The following RALGAPA2 variants were observed in gnomAD, a reference collection of about 807,000 sequenced individuals.
RALGAPA2 encodes the protein ral GTPase-activating protein subunit alpha-2.
Under a neutral mutation model 230.4 loss-of-function variants are expected in RALGAPA2, and 139 were observed. The observed-to-expected ratio is 0.60, with a 90% CI of 0.53 to 0.69. RALGAPA2 has a LOEUF of 0.69. Among genes scored for constraint, RALGAPA2 ranks in the 30% least tolerant of loss-of-function variants. RALGAPA2 has a pLI of 0.00. For missense variants in RALGAPA2, 2,163 were observed against 2,276.0 expected (o/e 0.95, Z 1.01); for synonymous variants, 847 against 837.8 (o/e 1.01, Z -0.19).
At chr20:20,438,643 G>A (rs1348558726) in intron 37 of RALGAPA2, among the ~76,000 whole-genome samples, 3 of 152,298 alleles carry the variant, frequency 2.0e-5, no homozygotes, top group Middle Eastern at 3.4e-3. Flanking sequence ...CTGCACGCAC[G>A]CCAACTGTCC....
At chr20:20,629,788 C>T (rs1368187524) in intron 9 of RALGAPA2, among the ~76,000 whole-genome samples, 198 bp from the exon 10 acceptor site, 1 of 152,162 alleles carries the variant, frequency 6.6e-6, no homozygotes, top group Non-Finnish European at 1.5e-5. Flanking sequence ...ACAAATCCCT[C>T]CCAACTCAGC....
rs756930824 is a variant in RALGAPA2 at position 20,712,337 on chromosome 20, C to T, written c.106+38G>A. ...GCGCCCTCCCGGCAGGTGCCCCTAACCCGGCGCCCCGACCCCCGCGCCCGG... is the reference window on the plus strand; with the variant it reads ...GCGCCCTCCCGGCAGGTGCCCCTAATCCGGCGCCCCGACCCCCGCGCCCGG... On this transcript the variant is annotated intron_variant, in intron 1 of 39. Coordinates refer to ENST00000202677, the MANE Select transcript of RALGAPA2 (RefSeq NM_020343.4). This position sits in a 1 kb window ranked among gnomAD's most constrained non-coding sequence, Gnocchi z 5.5. 256 of 1,426,036 alleles carry T rather than the reference C, an allele frequency of 1.8e-4. No individual in the cohort carries two copies. The highest frequency in any genetic ancestry group is 2.3e-4 in the Non-Finnish European group (249 of 1,070,134). The allele number at this position is 1,426,036 out of a possible 1,614,324, so 88.3% of individuals were successfully genotyped here.
At chr20:20,452,931 T>A (rs957624964) in intron 37 of RALGAPA2, among the ~76,000 whole-genome samples, 1 of 152,176 alleles carries the variant, frequency 6.6e-6, no homozygotes, top group Non-Finnish European at 1.5e-5. Context: ...CGTGAGTTGA[T>A]GGCACAGGTG....
At position 20,421,469 on chromosome 20, in the gene RALGAPA2, G is replaced by A. The variant is rs543328775; in HGVS notation, c.5496-9321C>T. Among the ~76,000 whole-genome samples, 13 of 152,246 alleles carry A rather than the reference G, an allele frequency of 8.5e-5. 1 individual carries two copies. The South Asian group carries it at 1.7e-3, about 19-fold the overall frequency. Reference sequence around the variant, plus strand: ...GCGGATCACCTGAGGTCAGGAGTTCGAGACCAGCCTGACCAACGTGGAGAA... The same window carrying A: ...GCGGATCACCTGAGGTCAGGAGTTCAAGACCAGCCTGACCAACGTGGAGAA... On this transcript the variant is annotated intron_variant, in intron 37 of 39. Transcript: ENST00000202677.
chr20:20,599,984 A>T (rs1158048245), intron 16 of RALGAPA2, among the ~76,000 whole-genome samples: 2 of 151,218 alleles, frequency 1.3e-5, no homozygotes, highest in African/African-American at 4.9e-5. Context: ...AAAAAAATAA[A>T]AAATAAAAAA....
intron 23 of RALGAPA2, among the ~76,000 whole-genome samples, chr20:20,565,779 C>G (rs1568585678): frequency 1.3e-5 from 2 of 152,170 alleles, no homozygotes; most frequent in East Asian, 3.8e-4. Context: ...AATTAATGCT[C>G]AAGTGCATTC....
At chr20:20,640,662 G>T in intron 6 of RALGAPA2, 39 bp downstream of exon 6, 1 of 1,545,316 alleles carries the variant, frequency 6.5e-7, no homozygotes, top group Non-Finnish European at 8.8e-7. Context: ...GTAAGTTCAA[G>T]AGTAATTTCA....
At chr20:20,404,823 G>GA (rs1209744067) in intron 38 of RALGAPA2, among the ~76,000 whole-genome samples, 1 of 152,118 alleles carries the variant, frequency 6.6e-6, no homozygotes, top group African/African-American at 2.4e-5. Context: ...GCATTTCACA[G>GA]AAAAACCGCA....
chr20:20,502,650 C>T (rs1275155124), intron 35 of RALGAPA2, among the ~76,000 whole-genome samples: 1 of 152,190 alleles, frequency 6.6e-6, no homozygotes, highest in East Asian at 1.9e-4. Flanking sequence ...GTGCTGCCCT[C>T]AGTCCCTTGC....
chr20:20,699,368 C>G (rs902156065), intron 1 of RALGAPA2, among the ~76,000 whole-genome samples: 2 of 152,162 alleles, frequency 1.3e-5, no homozygotes, highest in Admixed American at 6.5e-5. Context: ...TTTACTTCCA[C>G]TCCAGGAGTT....
intron 35 of RALGAPA2, among the ~76,000 whole-genome samples, chr20:20,500,637 A>G (rs1476580513): frequency 6.6e-6 from 1 of 152,024 alleles, no homozygotes; most frequent in Non-Finnish European, 1.5e-5. Flanking sequence ...TGAGGGTGGG[A>G]CTCTATCCAA....
chr20:20,626,829 C>T (rs1311882889), intron 10 of RALGAPA2, among the ~76,000 whole-genome samples: 1 of 152,182 alleles, frequency 6.6e-6, no homozygotes, highest in African/African-American at 2.4e-5. Flanking sequence ...TTACATGTAT[C>T]TCTGGCTGCT....
chr20:20,418,154 T>C (rs934318426), intron 37 of RALGAPA2, among the ~76,000 whole-genome samples: 5 of 152,166 alleles, frequency 3.3e-5, no homozygotes, highest in Admixed American at 6.5e-5. Context: ...GGTGCCAGAA[T>C]ATAAGAAGAA....
Position 20,653,698 on chromosome 20 carries a change from G to T in RALGAPA2, c.271-111C>A, listed in dbSNP as rs73296909. 2,307 of 611,300 alleles carry T rather than the reference G, an allele frequency of 3.8e-3. 42 individuals are homozygous for T. In the African/African-American group the frequency reaches 0.038, roughly 10 times the overall value. 37.9% of individuals were successfully genotyped at this position (611,300 alleles called of 1,614,324 possible). On this transcript the variant is annotated intron_variant, in intron 3 of 39. Coordinates refer to ENST00000202677, the MANE Select transcript of RALGAPA2 (RefSeq NM_020343.4). ...TTCTAGAAGAGGAAAAGGAAACTAT[G>T]TACAATAACATAAATACTGCACTTC...
intron 37 of RALGAPA2, among the ~76,000 whole-genome samples, chr20:20,440,380 C>A (rs1000911073): frequency 6.6e-6 from 1 of 152,184 alleles, no homozygotes; most frequent in Non-Finnish European, 1.5e-5. Flanking sequence ...TATTTAAGTT[C>A]TTTTTCTTGA....
At chr20:20,571,819 A>G (rs370592495) in intron 22 of RALGAPA2, 29 bp downstream of exon 22, 1 of 1,559,190 alleles carries the variant, frequency 6.4e-7, no homozygotes, top group South Asian at 1.1e-5. Flanking sequence ...AGGAAATCGC[A>G]ATAAAGGAAT....
At chr20:20,433,849 T>C (rs746214687) in intron 37 of RALGAPA2, among the ~76,000 whole-genome samples, 12 of 152,250 alleles carry the variant, frequency 7.9e-5, no homozygotes, top group Non-Finnish European at 1.5e-4. Flanking sequence ...AAATCCAGTA[T>C]ACATCAGTGA....
intron 34 of RALGAPA2, 124 bp from the exon 35 acceptor site, chr20:20,503,630 A>G: frequency 1.3e-6 from 1 of 753,016 alleles, no homozygotes; most frequent in Non-Finnish European, 1.9e-6. Flanking sequence ...TTCTGATTAC[A>G]AACAAATGTA....
At chr20:20,483,227 G>A (rs1009935885) in intron 36 of RALGAPA2, among the ~76,000 whole-genome samples, 1 of 152,188 alleles carries the variant, frequency 6.6e-6, no homozygotes, top group East Asian at 1.9e-4. Context: ...GCCCATCAAA[G>A]AATGATGGAA....
Sources: gnomAD v4.1 joint callset for allele counts (sites outside exome capture counted in the v4.1 genomes callset) on GRCh38, gnomAD v4.1.1 for gene constraint, Gnocchi (gnomAD v3.1) non-coding constraint, MANE v1.5 for transcripts, NCBI Gene and HGNC (gene_info 2026-07-23, HGNC 2026-07-21) for gene names.